AKNA: variants seen among roughly 807,000 people sequenced by gnomAD.
The protein encoded by AKNA is AT-hook transcription factor, also known as microtubule organization protein AKNA.
In AKNA, 67 loss-of-function variants were observed where a neutral mutation model predicts 138.8. The ratio of observed to expected loss-of-function variants is 0.48; its 90% confidence interval spans 0.40 to 0.59. The LOEUF is 0.59. Ranked by LOEUF, AKNA falls within the 20% of genes least tolerant of loss-of-function variation. The pLI is 0.00. For missense variants in AKNA, 1,813 were observed against 1,880.4 expected (o/e 0.96, Z 0.66); for synonymous variants, 737 against 754.4 (o/e 0.98, Z 0.38).
At position 114,337,012 on chromosome 9, in the gene AKNA, T is replaced by TTGGG; in HGVS notation, c.*41_*42insCCCA. The TTGGG allele has an allele frequency of 6.5e-5, 79 of 1,208,134 alleles. No individual in the cohort carries two copies. The highest frequency in any genetic ancestry group is 7.5e-5 in the Non-Finnish European group (70 of 929,278). The allele number at this position is 1,208,134 out of a possible 1,614,324, so 74.8% of individuals were successfully genotyped here. ...CCCACTCCTGGCCTGGCAGGCCACC[T>TTGGG]GCCCACCCACCCACCCATCTGCCTC... is the stretch of plus-strand genomic sequence containing the variant. On this transcript the variant is annotated 3_prime_UTR_variant, in exon 22 of 22. Transcript: ENST00000374088.
chr9:114,362,299 A>G, intron 8 of AKNA, 107 bp downstream of exon 8: 1 of 1,413,374 alleles, frequency 7.1e-7, no homozygotes, highest in Non-Finnish European at 9.3e-7. Context: ...ATTTCTCTCT[A>G]TTCCCCGTGT....
chr9:114,372,611 T>C (rs1479535563), intron 4 of AKNA, among the ~76,000 whole-genome samples: 1 of 152,096 alleles, frequency 6.6e-6, no homozygotes, highest in African/African-American at 2.4e-5. Context: ...CGCCACTCCA[T>C]GACCTTCAGA....
Position 114,337,012 on chromosome 9 carries a change from T to TGGGGGGGGGGGGC in AKNA, c.*41_*42insGCCCCCCCCCCCC. The TGGGGGGGGGGGGC allele has an allele frequency of 6.6e-6, 8 of 1,208,222 alleles. No individual in the cohort carries two copies. Among genetic ancestry groups the TGGGGGGGGGGGGC allele is most frequent in the Non-Finnish European group, 8.6e-6 (8 of 929,348 alleles). 74.8% of individuals were successfully genotyped at this position (1,208,222 alleles called of 1,614,324 possible). A position where few individuals can be genotyped will look rare whatever the true frequency, so the allele number is the denominator to read the frequency against. ...CCCACTCCTGGCCTGGCAGGCCACC[T>TGGGGGGGGGGGGC]GCCCACCCACCCACCCATCTGCCTC... On this transcript the variant is annotated 3_prime_UTR_variant, in exon 22 of 22. Coordinates refer to ENST00000374088, the MANE Select transcript of AKNA (RefSeq NM_001317950.2).
At chr9:114,363,097 G>A (rs1422225914) in intron 7 of AKNA, among the ~76,000 whole-genome samples, 36 of 152,188 alleles carry the variant, frequency 2.4e-4, no homozygotes, top group Non-Finnish European at 1.2e-4. Context: ...ATAATGAGAG[G>A]GGTGATTTAT....
rs1834163126 is a variant in AKNA, at chr9:114,387,937, G to A, written c.-191C>T. ...GTGAATTCTTTGTTCCAAACCCAGG[G>A]AGCCCCCTGTCTCCATTGCGCCCTG... On this transcript the variant is annotated 5_prime_UTR_variant, in exon 1 of 22. Transcript: ENST00000374088. The A allele has an allele frequency of 2.2e-6, 1 of 450,202 alleles. No individual in the cohort carries two copies. Among genetic ancestry groups the A allele is most frequent in the Non-Finnish European group, 4.5e-6 (1 of 222,908 alleles). 27.9% of individuals were successfully genotyped at this position (450,202 alleles called of 1,614,324 possible).
chr9:114,330,509 G>C (rs373494360), downstream of AKNA: 2 of 1,611,982 alleles, frequency 1.2e-6, no homozygotes. Context: ...GGAGATCCAA[G>C]CAACCTTCTT....
chr9:114,347,244 G>C (rs1012085070), intron 16 of AKNA, among the ~76,000 whole-genome samples: 19 of 152,092 alleles, frequency 1.2e-4, no homozygotes, highest in African/African-American at 2.7e-4. Flanking sequence ...TTTTGAGACA[G>C]AGCCTCTCTC....
At chr9:114,353,271 T>TC (rs1465940216) in intron 14 of AKNA, among the ~76,000 whole-genome samples, 1 of 151,780 alleles carries the variant, frequency 6.6e-6, no homozygotes, top group Non-Finnish European at 1.5e-5. Flanking sequence ...GTTTTTTTTT[T>TC]TTATGTTTTT....
intron 7 of AKNA, 69 bp from the exon 8 acceptor site, chr9:114,362,602 T>G (rs1832061121): frequency 1.3e-6 from 2 of 1,530,994 alleles, no homozygotes; most frequent in Non-Finnish European, 1.8e-6. Flanking sequence ...GAAGACACAG[T>G]GGATGAGACA....
At chr9:114,360,189 A>C (rs1353044847) in intron 9 of AKNA, 127 bp from the exon 10 acceptor site, 1 of 1,125,940 alleles carries the variant, frequency 8.9e-7, no homozygotes. Context: ...CACTAAGCCC[A>C]CCACCCTTTT....
chr9:114,367,010 G>A (rs752832383), intron 6 of AKNA, among the ~76,000 whole-genome samples: 1 of 152,104 alleles, frequency 6.6e-6, no homozygotes, highest in Non-Finnish European at 1.5e-5. Context: ...TAAAACGTAT[G>A]TATTTTCATA....
intron 14 of AKNA, among the ~76,000 whole-genome samples, chr9:114,352,558 C>T (rs1441542230): frequency 1.3e-5 from 2 of 151,400 alleles, no homozygotes; most frequent in Non-Finnish European, 2.9e-5. Context: ...GATCGTACCA[C>T]TACATACCAG....
chr9:114,384,163 A>G (rs1338683623), intron 1 of AKNA, among the ~76,000 whole-genome samples: 2 of 152,326 alleles, frequency 1.3e-5, no homozygotes, highest in South Asian at 2.1e-4. Context: ...TGGTACCCCA[A>G]TATTTTTTTA....
At chr9:114,367,838 G>T in intron 5 of AKNA, 141 bp from the exon 6 acceptor site, 2 of 943,858 alleles carry the variant, frequency 2.1e-6, no homozygotes, top group Non-Finnish European at 1.5e-6. Flanking sequence ...TCAGCCCCAG[G>T]AAGTGGGCTG....
chr9:114,337,012 T>TGGGGGGC lies in AKNA; in HGVS notation c.*41_*42insGCCCCCC. On this transcript the variant is annotated 3_prime_UTR_variant, in exon 22 of 22. Transcript: ENST00000374088. ...CCCACTCCTGGCCTGGCAGGCCACC[T>TGGGGGGC]GCCCACCCACCCACCCATCTGCCTC... 8.3e-7 allele frequency: 1 copy of TGGGGGGC among 1,208,224 alleles called. No individual in the cohort carries two copies. The allele number at this position is 1,208,224 out of a possible 1,614,324, so 74.8% of individuals were successfully genotyped here.
intron 15 of AKNA, chr9:114,348,961 G>C (rs906366299): frequency 6.6e-6 from 3 of 456,178 alleles, no homozygotes; most frequent in Non-Finnish European, 1.3e-5. Context: ...AGATGACTGT[G>C]TCAGAAGGAG....
chr9:114,383,283 CCT>C, intron 1 of AKNA: 1 of 448,202 alleles, frequency 2.2e-6, no homozygotes, highest in South Asian at 1.6e-5. Flanking sequence ...TCCTTCTTTC[CCT>C]CTTTCCTTCT....
chr9:114,351,419 G>A (rs937198187), intron 14 of AKNA, among the ~76,000 whole-genome samples: 12 of 152,132 alleles, frequency 7.9e-5, no homozygotes, highest in African/African-American at 2.7e-4. Flanking sequence ...CTCTTTCCAC[G>A]TATGCATGTT....
chr9:114,360,159 G>T, intron 9 of AKNA, 97 bp from the exon 10 acceptor site: 1 of 1,486,574 alleles, frequency 6.7e-7, no homozygotes, highest in Non-Finnish European at 9.3e-7. Context: ...TGGGCTGCGG[G>T]GTAAGAAGCA....
Sources: allele counts gnomAD v4.1 joint callset (sites outside exome capture counted in the v4.1 genomes callset), GRCh38; gene constraint gnomAD v4.1.1; transcripts MANE v1.5; gene names NCBI Gene and HGNC (gene_info 2026-07-23, HGNC 2026-07-21).